Variants in RIN2 observed in about 807,000 individuals in gnomAD.
The protein encoded by RIN2 is Ras and Rab interactor 2, also known as RAB5 interacting protein 2.
In RIN2, 36 loss-of-function variants were observed where a neutral mutation model predicts 78.0. That is an observed-to-expected ratio of 0.46 (90% CI 0.35 to 0.61). The LOEUF is 0.61. RIN2 is among the 20% of genes least tolerant of loss of function. The pLI is 0.00. For synonymous variants in RIN2, 466 were observed against 466.8 expected (o/e 1.00, Z 0.02); for missense variants, 1,087 against 1,159.7 (o/e 0.94, Z 0.91).
chr20:19,900,850 T>C (rs868742680), intron 3 of RIN2, among the ~76,000 whole-genome samples: 29 of 140,722 alleles, frequency 2.1e-4, no homozygotes, highest in Admixed American at 5.5e-4. Context: ...CTTGGGAGGC[T>C]GAGGCAGGAG....
At chr20:19,779,717 T>G (rs1012181355) in intron 1 of RIN2, among the ~76,000 whole-genome samples, 7 of 152,210 alleles carry the variant, frequency 4.6e-5, no homozygotes, top group African/African-American at 1.7e-4. Flanking sequence ...CTTTGAGATT[T>G]TCTAAAATAA....
intron 1 of RIN2, among the ~76,000 whole-genome samples, chr20:19,761,203 G>C (rs2033626478): frequency 1.3e-5 from 2 of 152,202 alleles, no homozygotes; most frequent in South Asian, 4.1e-4. Flanking sequence ...TTGTAGGTGA[G>C]GAAATGAAAG....
chr20:19,866,625 T>A (rs1446776504), intron 2 of RIN2, among the ~76,000 whole-genome samples: 2 of 152,178 alleles, frequency 1.3e-5, no homozygotes, highest in African/African-American at 2.4e-5. Context: ...GGATATTTTA[T>A]TTTATTTTAT....
chr20:19,956,444 T>C (rs925655720), intron 4 of RIN2, among the ~76,000 whole-genome samples, 171 bp from the exon 5 acceptor site: 7 of 152,050 alleles, frequency 4.6e-5, no homozygotes, highest in Non-Finnish European at 1.0e-4. Context: ...AAATAAAACA[T>C]TGTGTCTGCC....
intron 1 of RIN2, among the ~76,000 whole-genome samples, chr20:19,766,561 C>T (rs1166081801): frequency 1.3e-5 from 2 of 152,046 alleles, no homozygotes; most frequent in African/African-American, 4.8e-5. Context: ...GTCTAAGCTA[C>T]GGTGGATGGA....
chr20:19,934,528 A>T (rs1490598584), intron 3 of RIN2: 2 of 985,112 alleles, frequency 2.0e-6, no homozygotes, highest in Non-Finnish European at 2.4e-6. Flanking sequence ...AGCCTCACTC[A>T]GTCCTTTCTC....
At chr20:19,962,420 C>T (rs999319398) in intron 6 of RIN2, among the ~76,000 whole-genome samples, 1 of 152,156 alleles carries the variant, frequency 6.6e-6, no homozygotes, top group African/African-American at 2.4e-5. Flanking sequence ...TCGGAAGCCA[C>T]TTCCTCTCCT....
At chr20:19,982,756 T>A (rs2235889) in intron 9 of RIN2, among the ~76,000 whole-genome samples, 58,574 of 152,100 alleles carry the variant, frequency 0.39, 13,552 homozygotes, top group African/African-American at 0.64. Flanking sequence ...ACCAGAGCTC[T>A]GGCCCAGGGT....
At chr20:19,960,638 G>C (rs1453478140) in intron 5 of RIN2, 62 bp from the exon 6 acceptor site, 1 of 1,227,766 alleles carries the variant, frequency 8.1e-7, no homozygotes, top group Non-Finnish European at 1.2e-6. Flanking sequence ...AGGGAAACCA[G>C]ATGCTTGGGT....
rs369175510 is a variant in RIN2, at chr20:19,974,722, G to A, written c.697G>A (p.Asp233Asn). The change falls in exon 9 of 13, where the codon GAC becomes AAC. Residue 233 changes from aspartate to asparagine, a missense_variant. By Grantham distance (23) the Asp-to-Asn change is conservative. Around this residue, in one of 8 missense-constraint regions of RIN2, gnomAD observed 706 missense variants for 667.5 expected, o/e 1.06. Transcript: ENST00000255006. ...LPPPHRPLSS[D>N]GVCPASLRQL... ...ACCTCCCCATAGGCCTCTTTCCTCCGACGGTGTCTGTCCTGCCTCCCTGCG... is the reference window on the plus strand; with the variant it reads ...ACCTCCCCATAGGCCTCTTTCCTCCAACGGTGTCTGTCCTGCCTCCCTGCG... The A allele has an allele frequency of 1.9e-6, 3 of 1,613,928 alleles. No individual in the cohort carries two copies. The highest frequency in any genetic ancestry group is 4.5e-5 in the East Asian group (2 of 44,872).
rs373200202 is a variant in RIN2, at chr20:19,809,268, A to G, written c.-37+9521A>G. 3 of 152,526 alleles carry G rather than the reference A, an allele frequency of 2.0e-5. No homozygotes were observed. The South Asian group carries it at 6.2e-4, about 32-fold the overall frequency. The allele number at this position is 152,526 out of a possible 1,614,324, so 9.4% of individuals were successfully genotyped here. The stretch of plus-strand genomic sequence containing the variant: ...AGCTGCCCAACCAGGAAATTGTCAG[A>G]TGGAAGCAACGCTTGCAGGCAAAGA... On this transcript the variant is annotated intron_variant, in intron 2 of 12. Coordinates refer to ENST00000255006, the MANE Select transcript of RIN2 (RefSeq NM_018993.4).
At chr20:19,846,124 A>C (rs2036774170) in intron 2 of RIN2, among the ~76,000 whole-genome samples, 1 of 152,166 alleles carries the variant, frequency 6.6e-6, no homozygotes, top group Admixed American at 6.5e-5. Flanking sequence ...TGTTTTGGTT[A>C]CTGTAGCCTT....
chr20:19,830,045 C>A (rs1460850335), intron 2 of RIN2, among the ~76,000 whole-genome samples: 1 of 152,128 alleles, frequency 6.6e-6, no homozygotes, highest in Non-Finnish European at 1.5e-5. Flanking sequence ...TTATCCTGAA[C>A]GACACTATCA....
intron 2 of RIN2, among the ~76,000 whole-genome samples, chr20:19,803,589 A>G (rs1206495097): frequency 6.6e-6 from 1 of 152,224 alleles, no homozygotes; most frequent in African/African-American, 2.4e-5. Flanking sequence ...ACAAAAATCA[A>G]CTCAAGATGG....
chr20:19,808,947 A>G (rs2035500731), intron 2 of RIN2, among the ~76,000 whole-genome samples: 1 of 152,206 alleles, frequency 6.6e-6, no homozygotes, highest in African/African-American at 2.4e-5. Context: ...GTCCAAGGAA[A>G]GGCCAGAGCC....
chr20:19,904,649 C>T (rs911875357), intron 3 of RIN2, among the ~76,000 whole-genome samples: 2 of 152,072 alleles, frequency 1.3e-5, no homozygotes, highest in Non-Finnish European at 2.9e-5. Context: ...AATGGCAGGC[C>T]GGAAGGGCAG....
Position 19,970,883 on chromosome 20 carries a change from A to T in RIN2, c.582A>T (p.Thr194=). 6.2e-7 allele frequency: 1 copy of T among 1,613,780 alleles called. No individual in the cohort carries two copies. Among genetic ancestry groups the T allele is most frequent in the African/African-American group, 1.3e-5 (1 of 75,058 alleles). The change falls in exon 8 of 13, where the codon ACA becomes ACT. Residue 194 remains threonine, a synonymous_variant. Transcript: ENST00000255006. ...TGAAGTTGCCTTATGCCATTTCAACAGCCAAGTCGGAGGCTCAGCTTGAAG... is the reference window on the plus strand; with the variant it reads ...TGAAGTTGCCTTATGCCATTTCAACTGCCAAGTCGGAGGCTCAGCTTGAAG... ...FTLKLPYAIS[T]AKSEAQLEEL... is the part of the protein sequence containing the mutation.
intron 11 of RIN2, among the ~76,000 whole-genome samples, chr20:19,995,676 T>C (rs1397215796): frequency 2.6e-5 from 4 of 152,040 alleles, no homozygotes; most frequent in Non-Finnish European, 2.9e-5. Context: ...GTTATGTTAG[T>C]CCCAAAGGAA....
chr20:19,866,217 T>C (rs1241815509), intron 2 of RIN2, among the ~76,000 whole-genome samples: 1 of 152,040 alleles, frequency 6.6e-6, no homozygotes, highest in Non-Finnish European at 1.5e-5. Flanking sequence ...TTTGTGCTAC[T>C]ATGAGAATCT....
Sources: allele counts gnomAD v4.1 joint callset (sites outside exome capture counted in the v4.1 genomes callset), GRCh38; gene constraint gnomAD v4.1.1; regional missense constraint gnomAD v4.1.1; transcripts MANE v1.5; gene names NCBI Gene and HGNC (gene_info 2026-07-23, HGNC 2026-07-21).